Variants in ZNF396 observed in about 807,000 individuals in gnomAD.
ZNF396 encodes the protein zinc finger and SCAN domain-containing protein 14.
A neutral mutation model predicts 20.5 loss-of-function variants in ZNF396; 14 were observed. That is an observed-to-expected ratio of 0.68 (90% CI 0.45 to 1.07). The LOEUF is 1.07. Ranked by LOEUF, ZNF396 falls within the 50% of genes least tolerant of loss-of-function variation. ZNF396 has a pLI of 0.00. For synonymous variants in ZNF396, 119 were observed against 140.6 expected, an observed-to-expected ratio of 0.85 and a Z score of 1.08; for missense variants, 347 against 390.1, an observed-to-expected ratio of 0.89 and a Z score of 0.93.
At chr18:35,373,354 AG>A in intron 3 of ZNF396, 101 bp downstream of exon 3, 1 of 1,380,466 alleles carries the variant, frequency 7.2e-7, no homozygotes, top group Non-Finnish European at 9.7e-7. Flanking sequence ...GGAGGAGATG[AG>A]AGGGGGAGAT....
Position 35,374,045 on chromosome 18 carries a change from G to T in ZNF396, c.248C>A (p.Pro83Gln), listed in dbSNP as rs775507601. ...GATCTGCTCCTTGGTGTGCACTTCCGGCCTCAGCCAGAGATGACAAAGTTC... is the reference window on the plus strand; with the variant it reads ...GATCTGCTCCTTGGTGTGCACTTCCTGCCTCAGCCAGAGATGACAAAGTTC... ...LWELCHLWLRPEVHTKEQILE... is the reference protein window; with the variant it reads ...LWELCHLWLRQEVHTKEQILE... The change falls in exon 2 of 4, where the codon CCG becomes CAG. Residue 83 changes from proline (P) to glutamine (Q), a missense_variant. Pro to Gln is a moderately conservative substitution (Grantham distance 76). Transcript: ENST00000589332. The surrounding 1 kb of genome is among the most constrained non-coding windows in gnomAD (Gnocchi z 4.3). 1.2e-6 allele frequency: 2 copies of T among 1,614,084 alleles called. No individual in the cohort carries two copies. The highest frequency in any genetic ancestry group is 1.7e-5 in the Admixed American group (1 of 60,010).
Position 35,369,472 on chromosome 18 carries a change from G to A in ZNF396, c.751C>T (p.Gln251Ter). The A allele has an allele frequency of 6.2e-7, 1 of 1,614,118 alleles. No individual in the cohort carries two copies. The highest frequency in any genetic ancestry group is 8.5e-7 in the Non-Finnish European group (1 of 1,180,030). The change falls in exon 4 of 4, where the codon CAG (glutamine) becomes TAG (stop). Residue 251 changes from glutamine to a stop codon, truncating the protein, a stop_gained. Coordinates refer to ENST00000589332, the MANE Select transcript of ZNF396 (RefSeq NM_001322286.2). LOFTEE classifies it low-confidence loss of function (END_TRUNC). Reference protein sequence around the residue: ...RQGNPSWKKQQKCDECGKIFS... With the variant: ...RQGNPSWKKQ ...ATTTTGCCACATTCATCACATTTCT[G>A]TTGTTTTTTCCAAGAAGGGTTTCCT...
chr18:35,369,386 A>G lies in ZNF396; in HGVS notation c.837T>C (p.Tyr279=). 1 of 1,614,246 alleles carries G rather than the reference A, an allele frequency of 6.2e-7. No homozygotes were observed. The highest frequency in any genetic ancestry group is 8.5e-7 in the Non-Finnish European group (1 of 1,180,044). ...ATGCCTTTGCACACTCGTCACATGC[A>G]TAAGGTTTCTTTCCACTGTGGATTC... The part of the protein sequence containing the change: ...HQRIHSGKKP[Y]ACDECAKAFS... Residue 279 remains tyrosine, a synonymous_variant, in exon 4 of 4, where the codon TAT becomes TAC. Transcript: ENST00000589332.
intron 1 of ZNF396, chr18:35,376,129 G>A (rs1360713825): frequency 6.6e-6 from 1 of 152,112 alleles, no homozygotes; most frequent in East Asian, 1.9e-4. Context: ...AATCTTACGT[G>A]CGCCTCCGTC....
At chr18:35,375,900 G>A (rs1439663366) in intron 1 of ZNF396, among the ~76,000 whole-genome samples, 2 of 152,016 alleles carry the variant, frequency 1.3e-5, no homozygotes, top group South Asian at 2.1e-4. Context: ...GTACCACCAC[G>A]CCCGGCTAAT....
In ZNF396 at chr18:35,374,313, G is replaced by C. The variant is rs766880230; in HGVS notation, c.-21C>G. 6.2e-7 allele frequency: 1 copy of C among 1,603,694 alleles called. No homozygotes were observed. On this transcript the variant is annotated 5_prime_UTR_variant, in exon 2 of 4. Transcript: ENST00000589332. The surrounding 1 kb of genome is among the most constrained non-coding windows in gnomAD (Gnocchi z 4.3). ...GACATTTTGACAGACAAATAGCTCA[G>C]TACTGTTAGGCTTTAATCCTCAAGG...
chr18:35,376,557 A>C (rs1484729937), intron 1 of ZNF396, among the ~76,000 whole-genome samples: 1 of 152,138 alleles, frequency 6.6e-6, no homozygotes, highest in Non-Finnish European at 1.5e-5. Flanking sequence ...GCGTTGTCTC[A>C]GCGCAGAGGA....
chr18:35,368,209 A>G lies in ZNF396; in HGVS notation c.*1006T>C. 1 of 391,858 alleles carries G rather than the reference A, an allele frequency of 2.6e-6. No individual in the cohort carries two copies. The highest frequency in any genetic ancestry group is 4.6e-6 in the Non-Finnish European group (1 of 215,442). The allele number at this position is 391,858 out of a possible 1,614,324, so 24.3% of individuals were successfully genotyped here. ...TCCTTATGTTTAGCTGACTCCTTGT[A>G]GACAAGCAGTCATTTTCATGTTTCC... On this transcript the variant is annotated 3_prime_UTR_variant, in exon 4 of 4. Coordinates refer to ENST00000589332, the MANE Select transcript of ZNF396 (RefSeq NM_001322286.2).
chr18:35,375,409 T>C (rs1019896962), intron 1 of ZNF396, among the ~76,000 whole-genome samples: 1 of 152,250 alleles, frequency 6.6e-6, no homozygotes, highest in African/African-American at 2.4e-5. Context: ...TTAGGTTGTT[T>C]CTAATTTCAC....
intron 3 of ZNF396, among the ~76,000 whole-genome samples, chr18:35,370,791 G>A (rs1411533231): frequency 2.0e-5 from 3 of 152,036 alleles, no homozygotes; most frequent in Non-Finnish European, 4.4e-5. Context: ...GGGATTACAG[G>A]CGTGAGCCAC....
In ZNF396 at chr18:35,369,228, T is replaced by C. The variant is rs1260477904; in HGVS notation, c.995A>G (p.Lys332Arg). The C allele has an allele frequency of 7.0e-6, 11 of 1,579,318 alleles. No homozygotes were observed. The highest frequency in any genetic ancestry group is 2.7e-5 in the African/African-American group (2 of 73,420). The change falls in exon 4 of 4, where the codon AAA becomes AGA. Residue 332 changes from lysine to arginine, a missense_variant. Lys to Arg is a conservative substitution (Grantham distance 26, BLOSUM62 2). Coordinates refer to ENST00000589332, the MANE Select transcript of ZNF396 (RefSeq NM_001322286.2). ...LFRHRKRHIR[K>R]KVP ...CCCTCATGATACTTATGGGACTTTTTTTCTAATGTGTCTTTTCCTATGTCT... is the reference window on the plus strand; with the variant it reads ...CCCTCATGATACTTATGGGACTTTTCTTCTAATGTGTCTTTTCCTATGTCT...
chr18:35,372,257 T>G (rs2045193177), intron 3 of ZNF396: 1 of 152,222 alleles, frequency 6.6e-6, no homozygotes, highest in Non-Finnish European at 1.5e-5. Context: ...ACCAAGCTGC[T>G]GAGGCTGGGA....
At position 35,374,725 on chromosome 18, in the gene ZNF396, GAC is replaced by G; in HGVS notation, c.-72-363_-72-362del. 6.3e-6 allele frequency: 1 copy of G among 159,988 alleles called. No homozygotes were observed. Among genetic ancestry groups the G allele is most frequent in the Non-Finnish European group, 1.4e-5 (1 of 72,018 alleles). The allele number at this position is 159,988 out of a possible 1,614,324, so 9.9% of individuals were successfully genotyped here. On this transcript the variant is annotated intron_variant, in intron 1 of 3. Coordinates refer to ENST00000589332, the MANE Select transcript of ZNF396 (RefSeq NM_001322286.2). This position sits in a 1 kb window ranked among gnomAD's most constrained non-coding sequence, Gnocchi z 4.3. ...TTGGCCAGGCTAGTCTCGAACTCCTGACCTCAGGTGATCCACCCGCCTTGGCC... is the reference window on the plus strand; with the variant it reads ...TTGGCCAGGCTAGTCTCGAACTCCTGCTCAGGTGATCCACCCGCCTTGGCC...
intron 1 of ZNF396, among the ~76,000 whole-genome samples, chr18:35,375,653 G>A (rs918618377): frequency 3.3e-5 from 5 of 149,702 alleles, no homozygotes; most frequent in East Asian, 2.0e-4. Context: ...TTATTAGCTC[G>A]TTAGCAACAA....
In ZNF396 at chr18:35,373,911, C is replaced by G; in HGVS notation, c.382G>C (p.Glu128Gln). 1 of 1,614,132 alleles carries G rather than the reference C, an allele frequency of 6.2e-7. No individual in the cohort carries two copies. ...CCATCAAGCTCTCTCTCCACATCCT[C>G]CAGCATAGTCACAGTTTCCTCTCCA... Reference protein sequence around the residue: ...ENGEETVTMLEDVERELDGPK... With the variant: ...ENGEETVTMLQDVERELDGPK... The change falls in exon 2 of 4, where the codon GAG becomes CAG. Residue 128 changes from glutamate (E) to glutamine (Q), a missense_variant. Coordinates refer to ENST00000589332, the MANE Select transcript of ZNF396 (RefSeq NM_001322286.2).
chr18:35,369,788 T>C, intron 3 of ZNF396, 128 bp from the exon 4 acceptor site: 1 of 1,000,622 alleles, frequency 1.0e-6, no homozygotes, highest in Non-Finnish European at 1.4e-6. Context: ...GACAAAATAT[T>C]GAGAAGTTTA....
rs368248319 is a variant in ZNF396 at position 35,373,473 on chromosome 18, T to C, written c.545A>G (p.Gln182Arg). 1 of 1,614,056 alleles carries C rather than the reference T, an allele frequency of 6.2e-7. No individual in the cohort carries two copies. Among genetic ancestry groups the C allele is most frequent in the Non-Finnish European group, 8.5e-7 (1 of 1,179,990 alleles). Reference protein sequence around the residue: ...KQLQGASWELQSLRPHDEDIK... With the variant: ...KQLQGASWELRSLRPHDEDIK... ...CCCCTCACCATGTGGTCTTAAGGAC[T>C]GAAGCTCCCATGATGCTCCCTGGAG... The change falls in exon 3 of 4, where the codon CAG (glutamine) becomes CGG (arginine). Residue 182 changes from glutamine to arginine, a missense_variant. Physicochemically the swap from Gln to Arg is conservative, Grantham distance 43 (BLOSUM62 1). Coordinates refer to ENST00000589332, the MANE Select transcript of ZNF396 (RefSeq NM_001322286.2).
chr18:35,376,383 A>G (rs989071079), intron 1 of ZNF396: 1 of 152,220 alleles, frequency 6.6e-6, no homozygotes, highest in African/African-American at 2.4e-5. Flanking sequence ...TAAAAGCCCT[A>G]GATTATTTTT....
At position 35,368,324 on chromosome 18, in the gene ZNF396, T is replaced by A. The variant is rs1437873075; in HGVS notation, c.*891A>T. ...GATATTAATAGTATGGAGGCTCTTG[T>A]GTGCTTTCATAAGATAAGGCCTTTA... On this transcript the variant is annotated 3_prime_UTR_variant, in exon 4 of 4. Transcript: ENST00000589332. 7.7e-6 allele frequency: 10 copies of A among 1,302,914 alleles called. No individual in the cohort carries two copies. The highest frequency in any genetic ancestry group is 2.7e-5 in the Admixed American group (1 of 36,632). The allele number at this position is 1,302,914 out of a possible 1,614,324, so 80.7% of individuals were successfully genotyped here.
Sources: gnomAD v4.1 joint callset for allele counts (sites outside exome capture counted in the v4.1 genomes callset) on GRCh38, gnomAD v4.1.1 for gene constraint, Gnocchi (gnomAD v3.1) non-coding constraint, MANE v1.5 for transcripts, NCBI Gene and HGNC (gene_info 2026-07-23, HGNC 2026-07-21) for gene names.